The following CTNNA2 variants were observed in gnomAD, a reference collection of about 807,000 sequenced individuals.
CTNNA2 encodes catenin alpha-2.
Under a neutral mutation model 101.0 loss-of-function variants are expected in CTNNA2, and 42 were observed. That is an observed-to-expected ratio of 0.42 (90% CI 0.32 to 0.54). The LOEUF is 0.54. Ranked by LOEUF, CTNNA2 falls within the 20% of genes least tolerant of loss-of-function variation. The probability of loss-of-function intolerance (pLI) is 0.14; values close to 1 mark genes in which losing one functional copy is unlikely to be tolerated. For missense variants in CTNNA2, 871 were observed against 1,223.1 expected, an observed-to-expected ratio of 0.71 and a Z score of 4.29; for synonymous variants, 450 against 456.4, an observed-to-expected ratio of 0.99 and a Z score of 0.18.
chr2:80,330,420 A>G (rs1164411860), intron 7 of CTNNA2, among the ~76,000 whole-genome samples: 1 of 151,942 alleles, frequency 6.6e-6, no homozygotes, highest in African/African-American at 2.4e-5. Flanking sequence ...AGGTTATAAG[A>G]TTTGTCCTGG....
intron 8 of CTNNA2, among the ~76,000 whole-genome samples, chr2:80,418,899 G>A (rs1443532093): frequency 6.6e-6 from 1 of 152,076 alleles, no homozygotes; most frequent in African/African-American, 2.4e-5. Context: ...AGTATTTCTG[G>A]AACATAGCAA....
At chr2:79,275,085 G>T (rs899945388) in intron 2 of CTNNA2, among the ~76,000 whole-genome samples, 2 of 152,048 alleles carry the variant, frequency 1.3e-5, no homozygotes, top group Non-Finnish European at 2.9e-5. Context: ...TACCTGGAAG[G>T]CTTCAGTTAT....
rs556893324 is a variant in CTNNA2 at position 79,357,879 on chromosome 2, T to A, written c.-317-15952T>A. Among the ~76,000 whole-genome samples the A allele has an allele frequency of 1.5e-4, 23 of 152,282 alleles. No homozygotes were observed. The East Asian group carries it at 4.4e-3, about 29-fold the overall frequency. On this transcript the variant is annotated intron_variant, in intron 3 of 21. Transcript: ENST00000466387. ...AAACGTTTTTTTAAAGCGAAGAAGG[T>A]GCTGTAAAACATCTTTGAATTTCCT...
At chr2:80,312,425 A>G (rs1677678206) in intron 7 of CTNNA2, among the ~76,000 whole-genome samples, 1 of 152,238 alleles carries the variant, frequency 6.6e-6, no homozygotes, top group Admixed American at 6.5e-5. Context: ...GCAGGTGACC[A>G]AGGGTGACTC....
chr2:79,793,507 C>T (rs1464648644), intron 3 of CTNNA2, among the ~76,000 whole-genome samples: 1 of 152,104 alleles, frequency 6.6e-6, no homozygotes, highest in Non-Finnish European at 1.5e-5. Flanking sequence ...AAACATTCCC[C>T]TTAAGGGAGA....
At chr2:80,641,077 C>G (rs536471436) in intron 18 of CTNNA2, among the ~76,000 whole-genome samples, 2 of 152,148 alleles carry the variant, frequency 1.3e-5, no homozygotes, top group African/African-American at 4.8e-5. Flanking sequence ...CATTATCAAA[C>G]TCATTAGTGT....
intron 3 of CTNNA2, among the ~76,000 whole-genome samples, chr2:79,373,629 G>A (rs999698467): frequency 6.7e-6 from 1 of 149,972 alleles, no homozygotes; most frequent in Non-Finnish European, 1.5e-5. Context: ...GGAGGGAGAG[G>A]AGGGAAACAT....
intron 2 of CTNNA2, among the ~76,000 whole-genome samples, chr2:79,310,515 C>G (rs1236486342): frequency 6.6e-6 from 1 of 152,204 alleles, no homozygotes; most frequent in Admixed American, 6.5e-5. Context: ...TTCCTCTTCT[C>G]AAGACTACTG....
intron 4 of CTNNA2, among the ~76,000 whole-genome samples, chr2:79,435,624 G>T (rs1678704627): frequency 6.6e-6 from 1 of 152,170 alleles, no homozygotes; most frequent in South Asian, 2.1e-4. Flanking sequence ...ACGCCCTAAA[G>T]CTGTCCTTTC....
intron 3 of CTNNA2, among the ~76,000 whole-genome samples, chr2:79,780,930 G>A (rs1573952510): frequency 6.6e-6 from 1 of 152,118 alleles, no homozygotes; most frequent in Non-Finnish European, 1.5e-5. Context: ...AAAAAGAAAA[G>A]TAATAAAGAT....
At chr2:80,618,751 T>G (rs1019823782) in intron 17 of CTNNA2, 1 of 168,224 alleles carries the variant, frequency 5.9e-6, no homozygotes, top group Non-Finnish European at 1.3e-5. Context: ...CTCTTGGTGA[T>G]CTTCAACACT....
intron 13 of CTNNA2, among the ~76,000 whole-genome samples, chr2:80,580,210 A>G (rs973037124): frequency 6.6e-6 from 1 of 152,184 alleles, no homozygotes; most frequent in Non-Finnish European, 1.5e-5. Context: ...AAGCACTTAG[A>G]AAAAACGTTG....
At chr2:80,040,499 AG>A (rs1374332333) in intron 7 of CTNNA2, among the ~76,000 whole-genome samples, 1 of 152,218 alleles carries the variant, frequency 6.6e-6, no homozygotes, top group Non-Finnish European at 1.5e-5. Context: ...CAGTTTTTAA[AG>A]GGGCTGTTCC....
chr2:80,290,598 A>T lies in CTNNA2; in HGVS notation c.1057-102613A>T, dbSNP rs1005222171. 4.6e-5 allele frequency among the ~76,000 whole-genome samples: 7 copies of T among 150,754 alleles called. No individual in the cohort carries two copies. The South Asian group carries it at 6.3e-4, about 14-fold the overall frequency. On this transcript the variant is annotated intron_variant, in intron 7 of 18. Coordinates refer to ENST00000402739, the MANE Select transcript of CTNNA2 (RefSeq NM_001282597.3). ...GCCCCCTTGAAAATACTATTTAGAC[A>T]TTTTTTTTCCTAATTACTCCCCCTC...
At chr2:79,765,183 T>C (rs1017032296) in intron 3 of CTNNA2, among the ~76,000 whole-genome samples, 2 of 152,234 alleles carry the variant, frequency 1.3e-5, no homozygotes, top group African/African-American at 2.4e-5. Flanking sequence ...TGAGGTAATA[T>C]ATGTGAAAGT....
chr2:80,182,309 T>C (rs1443895912), intron 7 of CTNNA2, among the ~76,000 whole-genome samples: 1 of 152,182 alleles, frequency 6.6e-6, no homozygotes, highest in Non-Finnish European at 1.5e-5. Context: ...AAGAGAAAGA[T>C]GGAGGCCAGA....
intron 7 of CTNNA2, among the ~76,000 whole-genome samples, chr2:79,960,075 A>G (rs1383680233): frequency 6.6e-6 from 1 of 152,216 alleles, no homozygotes; most frequent in Non-Finnish European, 1.5e-5. Context: ...TGAGATGAGT[A>G]GAAGAACTTA....
intron 7 of CTNNA2, among the ~76,000 whole-genome samples, chr2:80,009,555 G>A (rs1250948278): frequency 6.6e-6 from 1 of 152,032 alleles, no homozygotes; most frequent in Non-Finnish European, 1.5e-5. Context: ...ACACATACAT[G>A]AAAATATATG....
chr2:79,348,158 G>A (rs1343241670), intron 3 of CTNNA2, among the ~76,000 whole-genome samples: 2 of 152,004 alleles, frequency 1.3e-5, no homozygotes, highest in Admixed American at 1.3e-4. Context: ...ACTTACTTTG[G>A]ACTCCTATGA....
Sources: allele counts gnomAD v4.1 joint callset (sites outside exome capture counted in the v4.1 genomes callset), GRCh38; gene constraint gnomAD v4.1.1; transcripts MANE v1.5; gene names NCBI Gene and HGNC (gene_info 2026-07-23, HGNC 2026-07-21).